The following CNTNAP2 variants were observed in gnomAD, a reference collection of about 807,000 sequenced individuals.
The protein encoded by CNTNAP2 is contactin associated protein 2.
In CNTNAP2, 98 loss-of-function variants were observed where a neutral mutation model predicts 155.2. The observed-to-expected ratio is 0.63, with a 90% CI of 0.54 to 0.75. The LOEUF (loss-of-function observed/expected upper bound fraction) is 0.75, where lower values mean the gene tolerates loss of function less well. CNTNAP2 is among the 30% of genes least tolerant of loss of function. The probability of loss-of-function intolerance (pLI) is 0.00; values close to 1 mark genes in which losing one functional copy is unlikely to be tolerated. For synonymous variants in CNTNAP2, 651 were observed against 631.2 expected, an observed-to-expected ratio of 1.03 and a Z score of -0.47; for missense variants, 1,727 against 1,688.1, an observed-to-expected ratio of 1.02 and a Z score of -0.40.
At chr7:148,210,485 C>T (rs896775239) in intron 18 of CNTNAP2, among the ~76,000 whole-genome samples, 3 of 152,176 alleles carry the variant, frequency 2.0e-5, no homozygotes, top group Non-Finnish European at 2.9e-5. Flanking sequence ...CTCTTAAATT[C>T]CAATCCAAGA....
chr7:147,030,167 A>T (rs1799001905), intron 3 of CNTNAP2, among the ~76,000 whole-genome samples: 1 of 152,294 alleles, frequency 6.6e-6, no homozygotes, highest in South Asian at 2.1e-4. Context: ...ATTTGTGTTT[A>T]CTGAGCTGAG....
intron 1 of CNTNAP2, among the ~76,000 whole-genome samples, chr7:146,765,384 T>C (rs1218185649): frequency 5.9e-5 from 9 of 152,198 alleles, no homozygotes; most frequent in Admixed American, 5.9e-4. Flanking sequence ...ATGCAGATTT[T>C]AAAATGGAAA....
chr7:148,118,078 G>A (rs1804514199), intron 15 of CNTNAP2, 40 bp from the exon 16 acceptor site: 1 of 1,609,274 alleles, frequency 6.2e-7, no homozygotes, highest in South Asian at 1.1e-5. Context: ...AGGCTGATCA[G>A]GGTGTGAGTT....
intron 1 of CNTNAP2, among the ~76,000 whole-genome samples, chr7:146,721,875 G>GTGTGTGTATGTATA (rs1332551916): frequency 1.3e-5 from 1 of 76,702 alleles, no homozygotes; most frequent in African/African-American, 1.8e-4. Context: ...GTGTGTGTGT[G>GTGTGTGTATGTATA]TATATATATA....
At chr7:146,596,812 G>A (rs1335514414) in intron 1 of CNTNAP2, among the ~76,000 whole-genome samples, 1 of 151,984 alleles carries the variant, frequency 6.6e-6, no homozygotes, top group Non-Finnish European at 1.5e-5. Flanking sequence ...TTCCTCATTT[G>A]TGAAATGCTG....
At chr7:146,679,879 CA>C (rs1800471957) in intron 1 of CNTNAP2, among the ~76,000 whole-genome samples, 3 of 151,994 alleles carry the variant, frequency 2.0e-5, no homozygotes, top group African/African-American at 7.2e-5. Context: ...AATTATAAGA[CA>C]TTCTTTTTTT....
In CNTNAP2 at chr7:147,561,874, A is replaced by C. The variant is rs4615479; in HGVS notation, c.1778-264A>C. Among the ~76,000 whole-genome samples the C allele has an allele frequency of 0.47, 71,539 of 152,098 alleles. 17,012 individuals carry two copies. The highest frequency in any genetic ancestry group is 0.61 in the East Asian group (3,155 of 5,178). ...TGATCATGAGCCCCAGTAAAATAAA[A>C]ATTACATTTATTTAAGGATTGATTA... On this transcript the variant is annotated intron_variant, in intron 11 of 23. Coordinates refer to ENST00000361727, the MANE Select transcript of CNTNAP2 (RefSeq NM_014141.6).
intron 1 of CNTNAP2, among the ~76,000 whole-genome samples, chr7:146,457,794 C>T (rs111479669): frequency 0.027 from 4,145 of 151,686 alleles, 135 homozygotes; most frequent in African/African-American, 0.073. Context: ...TGAACAACTG[C>T]GCCTGGCCCA....
At position 147,814,339 on chromosome 7, in the gene CNTNAP2, T is replaced by C. The variant is rs547632139; in HGVS notation, c.2099-89226T>C. Among the ~76,000 whole-genome samples the C allele has an allele frequency of 3.3e-5, 5 of 152,316 alleles. No homozygotes were observed. In the South Asian group the frequency reaches 1.0e-3, roughly 32 times the overall value. ...GATTTTCATCATTTATTAAATTATTTTGGTGTCTTTTCTGGTCTTTTTTGC... is the reference window on the plus strand; with the variant it reads ...GATTTTCATCATTTATTAAATTATTCTGGTGTCTTTTCTGGTCTTTTTTGC... On this transcript the variant is annotated intron_variant, in intron 13 of 23. Transcript: ENST00000361727.
intron 1 of CNTNAP2, among the ~76,000 whole-genome samples, chr7:146,617,016 T>TG (rs1178168510): frequency 4.2e-4 from 50 of 117,922 alleles, no homozygotes; most frequent in Admixed American, 1.0e-3. Context: ...AAACCTGGTT[T>TG]TTTTGTTTGT....
At chr7:147,224,676 T>G (rs1412505794) in intron 8 of CNTNAP2, among the ~76,000 whole-genome samples, 2 of 151,524 alleles carry the variant, frequency 1.3e-5, no homozygotes, top group Non-Finnish European at 2.9e-5. Flanking sequence ...ATGGGTGAAG[T>G]ATGAATGGGT....
At chr7:146,983,850 A>T (rs1798066328) in intron 3 of CNTNAP2, among the ~76,000 whole-genome samples, 1 of 152,242 alleles carries the variant, frequency 6.6e-6, no homozygotes. Flanking sequence ...ACTGGTTAAC[A>T]GCTTCAAAGA....
At chr7:147,600,070 G>A (rs1800914408) in intron 12 of CNTNAP2, among the ~76,000 whole-genome samples, 1 of 152,164 alleles carries the variant, frequency 6.6e-6, no homozygotes, top group Non-Finnish European at 1.5e-5. Flanking sequence ...TGGTTGTCAA[G>A]TACTTTTATG....
intron 1 of CNTNAP2, among the ~76,000 whole-genome samples, chr7:146,288,651 A>G (rs1800377558): frequency 6.6e-6 from 1 of 152,054 alleles, no homozygotes; most frequent in Non-Finnish European, 1.5e-5. Flanking sequence ...TGACTGAATA[A>G]AGCTGTGTAA....
At chr7:148,350,960 ATACT>A (rs1798415401) in intron 21 of CNTNAP2, among the ~76,000 whole-genome samples, 1 of 152,198 alleles carries the variant, frequency 6.6e-6, no homozygotes, top group African/African-American at 2.4e-5. Flanking sequence ...CATTTCATAA[ATACT>A]TACTGGGCCC....
At chr7:146,720,952 C>CTATATATATACTGTATATATTCTA (rs1563202769) in intron 1 of CNTNAP2, among the ~76,000 whole-genome samples, 3 of 126,032 alleles carry the variant, frequency 2.4e-5, no homozygotes, top group Non-Finnish European at 4.7e-5. Flanking sequence ...TCTATATATT[C>CTATATATATACTGTATATATTCTA]TATATATATA....
chr7:148,123,560 G>A (rs1452888186), intron 16 of CNTNAP2, among the ~76,000 whole-genome samples: 1 of 151,640 alleles, frequency 6.6e-6, no homozygotes, highest in Non-Finnish European at 1.5e-5. Flanking sequence ...TCACACAGCT[G>A]TACCCCCTAG....
intron 21 of CNTNAP2, among the ~76,000 whole-genome samples, chr7:148,296,718 C>T (rs567170752): frequency 4.6e-5 from 7 of 152,144 alleles, no homozygotes; most frequent in African/African-American, 1.7e-4. Context: ...CGATGGTGCC[C>T]GTGCAGCCTA....
At chr7:147,069,889 G>A (rs1475585091) in intron 4 of CNTNAP2, among the ~76,000 whole-genome samples, 1 of 152,098 alleles carries the variant, frequency 6.6e-6, no homozygotes, top group Non-Finnish European at 1.5e-5. Flanking sequence ...CAGAATTTTT[G>A]TTATTAACTA....
Sources: allele counts gnomAD v4.1 joint callset (sites outside exome capture counted in the v4.1 genomes callset), GRCh38; gene constraint gnomAD v4.1.1; transcripts MANE v1.5; gene names NCBI Gene and HGNC (gene_info 2026-07-23, HGNC 2026-07-21).